The following MYO3B variants were observed in gnomAD, a reference collection of about 807,000 sequenced individuals.
The protein encoded by MYO3B is myosin-IIIb.
MYO3B carries 156 observed loss-of-function variants against 174.6 expected under a neutral mutation model. That is an observed-to-expected ratio of 0.89 (90% CI 0.78 to 1.02). MYO3B has a LOEUF of 1.02. Among genes scored for constraint, MYO3B ranks in the 50% least tolerant of loss-of-function variants. The pLI is 0.00. For synonymous variants in MYO3B, 563 were observed against 569.1 expected, an observed-to-expected ratio of 0.99 and a Z score of 0.15; for missense variants, 1,632 against 1,639.4, an observed-to-expected ratio of 1.00 and a Z score of 0.08.
At chr2:170,466,798 G>A in intron 25 of MYO3B, 87 bp downstream of exon 25, 1 of 1,362,714 alleles carries the variant, frequency 7.3e-7, no homozygotes, top group East Asian at 2.3e-5. Context: ...CCTCCTGCGT[G>A]CTCTCCTCCA....
At chr2:170,556,809 A>G (rs532305687) in intron 32 of MYO3B, among the ~76,000 whole-genome samples, 9 of 152,330 alleles carry the variant, frequency 5.9e-5, no homozygotes, top group Non-Finnish European at 1.3e-4. Flanking sequence ...GGCGTGAGCC[A>G]CTGCACCTGG....
intron 22 of MYO3B, among the ~76,000 whole-genome samples, chr2:170,408,787 C>G (rs1024036940): frequency 6.8e-6 from 1 of 147,498 alleles, no homozygotes; most frequent in Non-Finnish European, 1.5e-5. Flanking sequence ...CAGTCTACAG[C>G]CTTTGCTTCA....
chr2:170,355,898 G>T (rs942712072), intron 8 of MYO3B, among the ~76,000 whole-genome samples: 23 of 151,986 alleles, frequency 1.5e-4, no homozygotes, highest in African/African-American at 4.8e-4. Context: ...CACCCAGGGA[G>T]AATTTTTTTT....
intron 16 of MYO3B, among the ~76,000 whole-genome samples, chr2:170,397,548 T>C (rs1016029171): frequency 6.6e-6 from 1 of 152,256 alleles, no homozygotes; most frequent in Non-Finnish European, 1.5e-5. Flanking sequence ...CTTTTTACCA[T>C]TAATGATACA....
chr2:170,208,162 G>A (rs187223223), intron 3 of MYO3B, among the ~76,000 whole-genome samples: 208 of 152,244 alleles, frequency 1.4e-3, no homozygotes, highest in African/African-American at 4.7e-3. Flanking sequence ...ATCTACCTCT[G>A]GATCCCTCAA....
intron 9 of MYO3B, among the ~76,000 whole-genome samples, chr2:170,381,162 C>T (rs1395633381): frequency 1.3e-5 from 2 of 148,294 alleles, no homozygotes; most frequent in Non-Finnish European, 3.0e-5. Flanking sequence ...AAAACAACAA[C>T]CCCCCCCATC....
intron 32 of MYO3B, among the ~76,000 whole-genome samples, chr2:170,546,633 A>ACGAC (rs1690509620): frequency 6.6e-6 from 1 of 152,248 alleles, no homozygotes; most frequent in Non-Finnish European, 1.5e-5. Context: ...ATCTTAGAAA[A>ACGAC]CGACAAAGAT....
Position 170,324,598 on chromosome 2 carries a change from G to A in MYO3B, c.750-10787G>A, listed in dbSNP as rs186874648. ...GGTTTTTTGTCTTTTTTTAAAGAGCGTTGTAACATTCCTGGCCTCTCTCTG... is the reference window on the plus strand; with the variant it reads ...GGTTTTTTGTCTTTTTTTAAAGAGCATTGTAACATTCCTGGCCTCTCTCTG... On this transcript the variant is annotated intron_variant, in intron 7 of 34. Coordinates refer to ENST00000408978, the MANE Select transcript of MYO3B (RefSeq NM_138995.5). Among the ~76,000 whole-genome samples the A allele has an allele frequency of 1.8e-3, 277 of 152,298 alleles. 1 individual carries two copies. The highest frequency in any genetic ancestry group is 6.4e-3 in the African/African-American group (267 of 41,554).
intron 7 of MYO3B, among the ~76,000 whole-genome samples, chr2:170,299,454 T>A (rs984273572): frequency 6.6e-6 from 1 of 152,074 alleles, no homozygotes; most frequent in Non-Finnish European, 1.5e-5. Flanking sequence ...TTTCTAAAAA[T>A]GAAATTTCTT....
At chr2:170,233,117 A>C (rs1047504574) in intron 6 of MYO3B, among the ~76,000 whole-genome samples, 8 of 152,208 alleles carry the variant, frequency 5.3e-5, no homozygotes, top group African/African-American at 1.2e-4. Context: ...TCTCCGCAAA[A>C]GTTCTAGACT....
At chr2:170,458,067 C>T (rs993666313) in intron 23 of MYO3B, among the ~76,000 whole-genome samples, 1 of 152,186 alleles carries the variant, frequency 6.6e-6, no homozygotes, top group South Asian at 2.1e-4. Flanking sequence ...ATAATGATTA[C>T]AAGTATTGTA....
chr2:170,314,001 G>T (rs982872389), intron 7 of MYO3B, among the ~76,000 whole-genome samples: 1 of 152,120 alleles, frequency 6.6e-6, no homozygotes, highest in African/African-American at 2.4e-5. Flanking sequence ...TTGGGTTTTC[G>T]TGAACCACAA....
chr2:170,219,464 C>A (rs2092867630), intron 6 of MYO3B, among the ~76,000 whole-genome samples: 1 of 151,996 alleles, frequency 6.6e-6, no homozygotes, highest in Admixed American at 6.6e-5. Flanking sequence ...TCCAACATGG[C>A]AAAACCCCAT....
intron 32 of MYO3B, among the ~76,000 whole-genome samples, chr2:170,571,882 G>A (rs1266652426): frequency 1.3e-5 from 2 of 152,188 alleles, no homozygotes; most frequent in African/African-American, 4.8e-5. Flanking sequence ...TTTTAAGGCA[G>A]TAAATCTCAA....
At chr2:170,373,756 A>C (rs3845741) in intron 9 of MYO3B, among the ~76,000 whole-genome samples, 95,528 of 151,154 alleles carry the variant, frequency 0.63, 30,371 homozygotes, top group South Asian at 0.67. Flanking sequence ...AAAGACACAG[A>C]AAGGTTAGAT....
intron 1 of MYO3B, among the ~76,000 whole-genome samples, chr2:170,192,721 A>C (rs531032267): frequency 2.7e-4 from 41 of 151,602 alleles, no homozygotes; most frequent in African/African-American, 9.4e-4. Context: ...CCAGCTTCTT[A>C]AGTTTTTTGC....
chr2:170,593,923 C>T (rs902766312), intron 32 of MYO3B, among the ~76,000 whole-genome samples: 2 of 152,134 alleles, frequency 1.3e-5, no homozygotes, highest in African/African-American at 4.8e-5. Context: ...TGATATTGTA[C>T]ATTCTGATAT....
chr2:170,499,672 G>C lies in MYO3B; in HGVS notation c.3153G>C (p.Glu1051Asp). The C allele has an allele frequency of 6.2e-7, 1 of 1,614,074 alleles. No individual in the cohort carries two copies. The highest frequency in any genetic ancestry group is 8.5e-7 in the Non-Finnish European group (1 of 1,179,950). ...TTTTTCTCAAATATTACCATGTTGAGCAATTAAATTTGCTGCTTCGAGAAG... is the reference window on the plus strand; with the variant it reads ...TTTTTCTCAAATATTACCATGTTGACCAATTAAATTTGCTGCTTCGAGAAG... Reference protein sequence around the residue: ...TKVFLKYYHVEQLNLLLREVI... With the variant: ...TKVFLKYYHVDQLNLLLREVI... Residue 1051 changes from glutamate (E) to aspartate (D), a missense_variant, in exon 27 of 35, where the codon GAG (glutamate) becomes GAC (aspartate). Glu to Asp is a conservative substitution (Grantham distance 45, BLOSUM62 2). Transcript: ENST00000408978.
intron 1 of MYO3B, among the ~76,000 whole-genome samples, chr2:170,189,578 C>T (rs553619340): frequency 8.8e-4 from 134 of 151,990 alleles, no homozygotes; most frequent in Non-Finnish European, 1.5e-3. Flanking sequence ...TTCAAGCTCA[C>T]TCATTCTTTC....
Sources: gnomAD v4.1 joint callset for allele counts (sites outside exome capture counted in the v4.1 genomes callset) on GRCh38, gnomAD v4.1.1 for gene constraint, MANE v1.5 for transcripts, NCBI Gene and HGNC (gene_info 2026-07-23, HGNC 2026-07-21) for gene names.